KPNA4: variants seen among roughly 807,000 people sequenced by gnomAD.
KPNA4 encodes importin subunit alpha-3.
Under a neutral mutation model 71.3 loss-of-function variants are expected in KPNA4, and 13 were observed. The ratio of observed to expected loss-of-function variants is 0.18; its 90% confidence interval spans 0.12 to 0.29. The LOEUF (loss-of-function observed/expected upper bound fraction) is 0.29. Among genes scored for constraint, KPNA4 ranks in the 10% least tolerant of loss-of-function variants. KPNA4 has a pLI of 1.00. For synonymous variants in KPNA4, 189 were observed against 195.2 expected (o/e 0.97, Z 0.26); for missense variants, 334 against 603.2 (o/e 0.55, Z 4.67).
intron 13 of KPNA4, among the ~76,000 whole-genome samples, chr3:160,512,705 G>A (rs192335071): frequency 2.6e-5 from 4 of 152,194 alleles, no homozygotes; most frequent in Non-Finnish European, 5.9e-5. Flanking sequence ...AGTGGCGTGC[G>A]CCTATAGTCC....
intron 11 of KPNA4, among the ~76,000 whole-genome samples, chr3:160,516,553 G>A (rs1278621676): frequency 6.6e-6 from 1 of 152,070 alleles, no homozygotes; most frequent in African/African-American, 2.4e-5. Context: ...GCTGAGGTGG[G>A]TGGAACACTT....
intron 11 of KPNA4, among the ~76,000 whole-genome samples, chr3:160,516,106 C>T (rs752759081): frequency 6.6e-6 from 1 of 152,154 alleles, no homozygotes; most frequent in Non-Finnish European, 1.5e-5. Context: ...CCTGGCTCAG[C>T]CTCCTGAGCA....
At chr3:160,535,972 C>T (rs1721685428) in intron 2 of KPNA4, 75 bp from the exon 3 acceptor site, 1 of 1,042,752 alleles carries the variant, frequency 9.6e-7, no homozygotes, top group Admixed American at 4.8e-5. Context: ...TACTTTCATA[C>T]AAAGCTCAGG....
At chr3:160,535,479 TA>T in intron 5 of KPNA4, 33 bp downstream of exon 5, 1 of 1,546,124 alleles carries the variant, frequency 6.5e-7, no homozygotes, top group Non-Finnish European at 8.8e-7. Context: ...GTGTAAGTTG[TA>T]AAATCTAAAC....
At chr3:160,556,321 T>C (rs999071316) in intron 1 of KPNA4, among the ~76,000 whole-genome samples, 5 of 151,966 alleles carry the variant, frequency 3.3e-5, no homozygotes, top group African/African-American at 9.7e-5. Context: ...GCCGTACCAT[T>C]TTACATTCCC....
chr3:160,544,915 C>T (rs191591471), intron 1 of KPNA4, among the ~76,000 whole-genome samples: 15 of 152,076 alleles, frequency 9.9e-5, no homozygotes, highest in South Asian at 4.1e-4. Flanking sequence ...GGTTTTCTTA[C>T]GGAAAAATTT....
At chr3:160,550,971 T>C (rs1722029535) in intron 1 of KPNA4, among the ~76,000 whole-genome samples, 1 of 152,232 alleles carries the variant, frequency 6.6e-6, no homozygotes, top group South Asian at 2.1e-4. Context: ...TAGTTTTCTT[T>C]TCTTATAATG....
At chr3:160,559,632 C>A (rs955193751) in intron 1 of KPNA4, among the ~76,000 whole-genome samples, 2 of 152,072 alleles carry the variant, frequency 1.3e-5, no homozygotes, top group Non-Finnish European at 1.5e-5. Flanking sequence ...AAGAAACTAC[C>A]TCTTGCAGAA....
At chr3:160,541,632 T>C (rs1721798458) in intron 1 of KPNA4, among the ~76,000 whole-genome samples, 1 of 141,928 alleles carries the variant, frequency 7.0e-6, no homozygotes, top group South Asian at 2.2e-4. Flanking sequence ...AAAGCGGTTT[T>C]TAAAAGTTAT....
At position 160,509,687 on chromosome 3, in the gene KPNA4, C is replaced by A. The variant is rs186803874; in HGVS notation, c.1209+113G>T. 1.3e-3 allele frequency: 1,076 copies of A among 803,896 alleles called. 5 individuals are homozygous for A. Among genetic ancestry groups the A allele is most frequent in the African/African-American group, 7.0e-3 (408 of 58,324 alleles). The allele number at this position is 803,896 out of a possible 1,614,324, so 49.8% of individuals were successfully genotyped here. A position where few individuals can be genotyped will look rare whatever the true frequency, so the allele number is the denominator to read the frequency against. On this transcript the variant is annotated intron_variant, in intron 14 of 16. Coordinates refer to ENST00000334256, the MANE Select transcript of KPNA4 (RefSeq NM_002268.5). The stretch of plus-strand genomic sequence containing the variant: ...CCTCGGGTGATCCTCCAGCCTTGGC[C>A]TCCCAGGGTGTTGCTATTATTTTAA...
At chr3:160,551,870 C>T (rs1477428051) in intron 1 of KPNA4, among the ~76,000 whole-genome samples, 6 of 144,756 alleles carry the variant, frequency 4.1e-5, no homozygotes, top group Non-Finnish European at 1.5e-5. Context: ...TAATGGTTCT[C>T]ATCTGGGGTG....
At chr3:160,531,064 C>T in intron 6 of KPNA4, 124 bp from the exon 7 acceptor site, 1 of 670,056 alleles carries the variant, frequency 1.5e-6, no homozygotes, top group South Asian at 2.2e-5. Flanking sequence ...ATCTATCCAT[C>T]CAGCATATTT....
In KPNA4 at chr3:160,535,814, A is replaced by G. The variant is rs1721677624; in HGVS notation, c.198T>C (p.Tyr66=). The G allele has an allele frequency of 6.5e-7, 1 of 1,535,654 alleles. No homozygotes were observed. Among genetic ancestry groups the G allele is most frequent in the Non-Finnish European group, 8.7e-7 (1 of 1,151,928 alleles). The change falls in exon 3 of 17, where the codon TAT becomes TAC. Residue 66 remains tyrosine, a synonymous_variant. Transcript: ENST00000334256. ...ICEDSDIDGD[Y]RVQNTSLEAI... Reference sequence around the variant, plus strand: ...AACAATAACAATGACTTACCACTCTATAATCACCATCTATATCAGAGTCTT... The same window carrying G: ...AACAATAACAATGACTTACCACTCTGTAATCACCATCTATATCAGAGTCTT...
chr3:160,521,690 T>C, intron 11 of KPNA4, 89 bp downstream of exon 11: 1 of 1,182,394 alleles, frequency 8.5e-7, no homozygotes, highest in Non-Finnish European at 1.2e-6. Flanking sequence ...GAATATACTT[T>C]AAACTACTGA....
intron 1 of KPNA4, among the ~76,000 whole-genome samples, chr3:160,554,185 T>C (rs1722092508): frequency 6.6e-6 from 1 of 152,216 alleles, no homozygotes; most frequent in Non-Finnish European, 1.5e-5. Context: ...TCTATTGTTG[T>C]TTTTAATATT....
chr3:160,556,609 G>C (rs1722142151), intron 1 of KPNA4, among the ~76,000 whole-genome samples: 1 of 152,144 alleles, frequency 6.6e-6, no homozygotes, highest in African/African-American at 2.4e-5. Context: ...ATAATACTTA[G>C]AGACTGAGCA....
chr3:160,544,326 G>C (rs553831408), intron 1 of KPNA4, among the ~76,000 whole-genome samples: 1 of 152,290 alleles, frequency 6.6e-6, no homozygotes, highest in East Asian at 1.9e-4. Context: ...CTCAGGGTTG[G>C]GAAACACTGC....
At chr3:160,516,636 G>A (rs1480714364) in intron 11 of KPNA4, among the ~76,000 whole-genome samples, 5 of 151,908 alleles carry the variant, frequency 3.3e-5, no homozygotes, top group African/African-American at 1.2e-4. Flanking sequence ...GCTGGGTGTG[G>A]TGGCACGAGC....
chr3:160,541,649 GCACACACACACACACACA>G (rs60806533), intron 1 of KPNA4, among the ~76,000 whole-genome samples: 8 of 146,756 alleles, frequency 5.5e-5, no homozygotes, highest in Admixed American at 3.4e-4. Context: ...TTATATACGC[GCACACACACACACACACA>G]CACACACACA....
Sources: allele counts gnomAD v4.1 joint callset (sites outside exome capture counted in the v4.1 genomes callset), GRCh38; gene constraint gnomAD v4.1.1; transcripts MANE v1.5; gene names NCBI Gene and HGNC (gene_info 2026-07-23, HGNC 2026-07-21).